TPST1: variants seen among roughly 807,000 people sequenced by gnomAD.
TPST1 encodes the protein tyrosylprotein sulfotransferase 1, also known as protein-tyrosine sulfotransferase 1.
Under a neutral mutation model 34.8 loss-of-function variants are expected in TPST1, and 20 were observed. The ratio of observed to expected loss-of-function variants is 0.57; its 90% confidence interval spans 0.40 to 0.84. The LOEUF (loss-of-function observed/expected upper bound fraction) is 0.84. Ranked by LOEUF, TPST1 falls within the 40% of genes least tolerant of loss-of-function variation. The pLI is 0.00. For synonymous variants in TPST1, 152 were observed against 159.4 expected (o/e 0.95, Z 0.35); for missense variants, 353 against 455.5 (o/e 0.78, Z 2.05).
At chr7:66,223,841 C>G (rs958795908) in intron 1 of TPST1, among the ~76,000 whole-genome samples, 7 of 152,230 alleles carry the variant, frequency 4.6e-5, no homozygotes, top group Non-Finnish European at 1.0e-4. Context: ...ACCCTCCACA[C>G]ATTCCTGCTC....
chr7:66,257,008 G>T (rs563227515), intron 2 of TPST1, among the ~76,000 whole-genome samples: 1 of 152,012 alleles, frequency 6.6e-6, no homozygotes, highest in Non-Finnish European at 1.5e-5. Context: ...GTGCAGTGGC[G>T]CAGTCATGGC....
At chr7:66,326,134 C>A (rs1215759626) in intron 3 of TPST1, among the ~76,000 whole-genome samples, 19 of 152,142 alleles carry the variant, frequency 1.2e-4, no homozygotes, top group African/African-American at 2.4e-5. Flanking sequence ...AGTCTATCAA[C>A]TGTAAAAATG....
intron 1 of TPST1, among the ~76,000 whole-genome samples, chr7:66,229,234 C>CG (rs969165807): frequency 9.9e-5 from 15 of 152,094 alleles, no homozygotes; most frequent in Non-Finnish European, 1.9e-4. Context: ...CCTCAGCCTC[C>CG]GGAGTAGCTG....
intron 3 of TPST1, among the ~76,000 whole-genome samples, chr7:66,313,091 C>CA (rs1791563805): frequency 1.3e-5 from 2 of 149,468 alleles, no homozygotes; most frequent in African/African-American, 2.5e-5. Flanking sequence ...TATCAAGGCA[C>CA]AAAAAAATGA....
At chr7:66,321,129 G>A (rs372984754) in intron 3 of TPST1, among the ~76,000 whole-genome samples, 1 of 152,176 alleles carries the variant, frequency 6.6e-6, no homozygotes, top group Non-Finnish European at 1.5e-5. Flanking sequence ...AGGATATGAA[G>A]TAAAAGTCAA....
chr7:66,216,320 G>A lies in TPST1; in HGVS notation c.-102+10798G>A, dbSNP rs576387996. 5.0e-5 allele frequency among the ~76,000 whole-genome samples: 7 copies of A among 139,828 alleles called. No homozygotes were observed. In the South Asian group the frequency reaches 1.6e-3, roughly 31 times the overall value. 91.7% of individuals were successfully genotyped at this position (139,828 alleles called of 152,430 possible). ...AGTCTTCTCTCTTTTGTTATTGGTC[G>A]GTCTAGCTAAAAGATTGTTAATTTT... is the stretch of plus-strand genomic sequence containing the variant. On this transcript the variant is annotated intron_variant, in intron 1 of 5. Transcript: ENST00000304842.
At chr7:66,270,988 G>C (rs1790692729) in intron 2 of TPST1, among the ~76,000 whole-genome samples, 1 of 151,932 alleles carries the variant, frequency 6.6e-6, no homozygotes, top group Admixed American at 6.6e-5. Flanking sequence ...TATATTTTTT[G>C]GTTGCCCAGG....
chr7:66,332,112 A>G lies in TPST1; in HGVS notation c.1045-20393A>G, dbSNP rs1388384231. 2.0e-5 allele frequency among the ~76,000 whole-genome samples: 3 copies of G among 151,880 alleles called. No individual in the cohort carries two copies. The highest frequency in any genetic ancestry group is 7.3e-5 in the African/African-American group (3 of 41,308). ...TGCACAGTAAACGTAATGTGCTTGA[A>G]TCATCCGGAAACCATCCCCTCTGCT... On this transcript the variant is annotated intron_variant, in intron 3 of 5. Transcript: ENST00000304842. This position sits in a 1 kb window ranked among gnomAD's most constrained non-coding sequence, Gnocchi z 4.5.
intron 1 of TPST1, among the ~76,000 whole-genome samples, chr7:66,212,676 T>C (rs1463407700): frequency 6.6e-6 from 1 of 152,122 alleles, no homozygotes; most frequent in Non-Finnish European, 1.5e-5. Context: ...GCCAGGCTGG[T>C]CTCGAACGCC....
chr7:66,252,387 G>A (rs553067594), intron 2 of TPST1, among the ~76,000 whole-genome samples: 3 of 114,824 alleles, frequency 2.6e-5, no homozygotes, highest in South Asian at 2.6e-4. Flanking sequence ...ACGGAGTCTC[G>A]CTCTGTCGCC....
Position 66,241,287 on chromosome 7 carries a change from T to C in TPST1, c.845+17T>C, listed in dbSNP as rs767142122. ...TCTGTCAAAGTGAGTAGAAGATACGTTTTTTATTTTGACTCTATATTTAGC... is the reference window on the plus strand; with the variant it reads ...TCTGTCAAAGTGAGTAGAAGATACGCTTTTTATTTTGACTCTATATTTAGC... On this transcript the variant is annotated intron_variant, in intron 2 of 5. Transcript: ENST00000304842. The C allele has an allele frequency of 6.3e-7, 1 of 1,578,348 alleles. No individual in the cohort carries two copies. The highest frequency in any genetic ancestry group is 8.6e-7 in the Non-Finnish European group (1 of 1,164,856).
intron 2 of TPST1, among the ~76,000 whole-genome samples, chr7:66,264,144 A>G (rs1199129624): frequency 6.6e-6 from 1 of 152,200 alleles, no homozygotes; most frequent in Non-Finnish European, 1.5e-5. Context: ...GAACTGCCCT[A>G]CTTCTGAGAT....
chr7:66,335,622 T>C (rs1792080965), intron 3 of TPST1, among the ~76,000 whole-genome samples: 1 of 152,158 alleles, frequency 6.6e-6, no homozygotes, highest in Non-Finnish European at 1.5e-5. Flanking sequence ...GGCAAGTTAG[T>C]TTAGTTTTAG....
At chr7:66,331,269 C>T (rs920966739) in intron 3 of TPST1, among the ~76,000 whole-genome samples, 2 of 152,228 alleles carry the variant, frequency 1.3e-5, no homozygotes, top group African/African-American at 2.4e-5. Context: ...TCAGAAGTAA[C>T]ATCCCATCAC....
At chr7:66,318,370 G>A (rs1791676822) in intron 3 of TPST1, among the ~76,000 whole-genome samples, 2 of 151,748 alleles carry the variant, frequency 1.3e-5, no homozygotes, top group South Asian at 4.2e-4. Context: ...TTATGTTTAT[G>A]TATATGTTTA....
At chr7:66,295,338 T>G (rs2115990255) in intron 3 of TPST1, among the ~76,000 whole-genome samples, 1 of 152,110 alleles carries the variant, frequency 6.6e-6, no homozygotes, top group Admixed American at 6.5e-5. Context: ...CTACAAAAAA[T>G]ACAAAAGTTA....
rs144036999 is a variant in TPST1 at position 66,343,426 on chromosome 7, A to G, written c.1045-9079A>G. Among the ~76,000 whole-genome samples, 27 of 152,224 alleles carry G rather than the reference A, an allele frequency of 1.8e-4. No homozygotes were observed. The East Asian group carries it at 2.9e-3, about 16-fold the overall frequency. On this transcript the variant is annotated intron_variant, in intron 3 of 5. Coordinates refer to ENST00000304842, the MANE Select transcript of TPST1 (RefSeq NM_003596.4). ...AAGAGACAGGAGAGAGGGAGGGGAG[A>G]AAGGGTTGAAAAGCTGCCTATTGGG...
At chr7:66,326,198 GT>G (rs1584242206) in intron 3 of TPST1, among the ~76,000 whole-genome samples, 1 of 152,152 alleles carries the variant, frequency 6.6e-6, no homozygotes, top group East Asian at 1.9e-4. Context: ...CCACATGTCT[GT>G]TTGTTCCTCC....
chr7:66,358,945 G>A lies in TPST1; in HGVS notation c.*30-950G>A, dbSNP rs554300039. 324 of 152,366 alleles carry A rather than the reference G, an allele frequency of 2.1e-3. 2 individuals carry two copies. Among genetic ancestry groups the A allele is most frequent in the African/African-American group, 7.6e-3 (317 of 41,578 alleles). The allele number at this position is 152,366 out of a possible 1,614,324, so 9.4% of individuals were successfully genotyped here. ...TTGGGAGGGGCCAACCTGTGCTGAG[G>A]AGGACTCAGGAGAACTGGGGACACA... On this transcript the variant is annotated intron_variant, in intron 5 of 5. Transcript: ENST00000304842.
Sources: gnomAD v4.1 joint callset for allele counts (sites outside exome capture counted in the v4.1 genomes callset) on GRCh38, gnomAD v4.1.1 for gene constraint, Gnocchi (gnomAD v3.1) non-coding constraint, MANE v1.5 for transcripts, NCBI Gene and HGNC (gene_info 2026-07-23, HGNC 2026-07-21) for gene names.